The following MED28 variants were observed in gnomAD, a reference collection of about 807,000 sequenced individuals.
MED28 encodes the protein mediator complex subunit 28, also known as mediator of RNA polymerase II transcription subunit 28.
Under a neutral mutation model 21.3 loss-of-function variants are expected in MED28, and 26 were observed. That is an observed-to-expected ratio of 1.22 (90% CI 0.89 to 1.69). MED28 has a LOEUF of 1.69. MED28 is among the 40% of genes most tolerant of loss of function. MED28 has a pLI of 0.00. For missense variants in MED28, 257 were observed against 215.4 expected (o/e 1.19, Z -1.21); for synonymous variants, 110 against 87.6 (o/e 1.26, Z -1.43).
rs56931270 is a variant in MED28 at position 17,632,633 on chromosome 4, C to CAA, written c.*8841_*8842dup. 0.59 allele frequency: 899,951 copies of CAA among 1,523,234 alleles called. 272,321 individuals carry two copies. Among genetic ancestry groups the CAA allele is most frequent in the East Asian group, 0.9 (36,097 of 40,052 alleles). 94.4% of individuals were successfully genotyped at this position (1,523,234 alleles called of 1,614,324 possible). On this transcript the variant is annotated 3_prime_UTR_variant, in exon 4 of 4. Coordinates refer to ENST00000237380, the MANE Select transcript of MED28 (RefSeq NM_025205.5). ...GTTTCACCATCTGGGGTCCTAAAAG[C>CAA]AAAAAAAGGTTTTTTTATATGGTTT... is the stretch of plus-strand genomic sequence containing the variant.
At chr4:17,622,863 G>A (rs142469084) in intron 3 of MED28, among the ~76,000 whole-genome samples, 7,004 of 152,212 alleles carry the variant, frequency 0.046, 490 homozygotes, top group African/African-American at 0.16. Flanking sequence ...GCTTGTGCAA[G>A]GAAACTCCCA....
Position 17,619,926 on chromosome 4 carries a change from A to C in MED28, c.185A>C (p.Gln62Pro), listed in dbSNP as rs967714701. The C allele has an allele frequency of 1.9e-6, 3 of 1,614,180 alleles. No homozygotes were observed. The highest frequency in any genetic ancestry group is 1.7e-5 in the Admixed American group (1 of 60,030). The change falls in exon 2 of 4, where the codon CAG becomes CCG. Residue 62 changes from glutamine (Q) to proline (P), a missense_variant. Gln to Pro is a moderately conservative substitution (Grantham distance 76, BLOSUM62 -1). Coordinates refer to ENST00000237380, the MANE Select transcript of MED28 (RefSeq NM_025205.5). Reference protein sequence around the residue: ...FEACFASLVSQDYVNGTDQEE... With the variant: ...FEACFASLVSPDYVNGTDQEE... ...GCTTGCTTTGCATCTCTGGTGAGTC[A>C]GGACTATGTCAATGGCACCGATCAG... is the stretch of plus-strand genomic sequence containing the variant.
intron 1 of MED28, 40 bp from the exon 2 acceptor site, chr4:17,619,861 T>A: frequency 1.3e-6 from 2 of 1,577,048 alleles, no homozygotes; most frequent in Non-Finnish European, 1.7e-6. Flanking sequence ...TTTTGATGTA[T>A]AAATGATATT....
intron 2 of MED28, among the ~76,000 whole-genome samples, chr4:17,621,123 T>C (rs1311697841): frequency 2.0e-5 from 3 of 151,738 alleles, no homozygotes; most frequent in Admixed American, 1.3e-4. Flanking sequence ...CAAGCGATCC[T>C]TCTGCCTCAG....
chr4:17,627,719 C>A lies in MED28; in HGVS notation c.*3921C>A, dbSNP rs151284090. 0.015 allele frequency: 2,293 copies of A among 152,858 alleles called. 22 individuals are homozygous for A. The highest frequency in any genetic ancestry group is 0.023 in the Middle Eastern group (7 of 298). The allele number at this position is 152,858 out of a possible 1,614,324, so 9.5% of individuals were successfully genotyped here. On this transcript the variant is annotated 3_prime_UTR_variant, in exon 4 of 4. Transcript: ENST00000237380. ...CTCTAATGAGCAGTCTGAGGCCAGG[C>A]ACAGGAGGCTGAGGCAGGAGAATCG...
In MED28 at chr4:17,628,812, G is replaced by C. The variant is rs1026239906; in HGVS notation, c.*5014G>C. ...GAGGTATGGACACTCACTCACACGA[G>C]GGGGTGGCCCAGTTGCTGAGGATTC... On this transcript the variant is annotated 3_prime_UTR_variant, in exon 4 of 4. Coordinates refer to ENST00000237380, the MANE Select transcript of MED28 (RefSeq NM_025205.5). The C allele has an allele frequency of 6.6e-6, 1 of 152,296 alleles. No individual in the cohort carries two copies. Among genetic ancestry groups the C allele is most frequent in the African/African-American group, 2.4e-5 (1 of 41,428 alleles). 9.4% of individuals were successfully genotyped at this position (152,296 alleles called of 1,614,324 possible).
In MED28 at chr4:17,624,081, G is replaced by T; in HGVS notation, c.*283G>T. On this transcript the variant is annotated 3_prime_UTR_variant, in exon 4 of 4. Transcript: ENST00000237380. ...ATGACACAGATTCTTTTTTATGGTG[G>T]CTTTGCTTGTTTTAAATTTTTGCAT... is the stretch of plus-strand genomic sequence containing the variant. The T allele has an allele frequency of 2.6e-6, 1 of 390,662 alleles. No individual in the cohort carries two copies. The highest frequency in any genetic ancestry group is 3.6e-5 in the South Asian group (1 of 27,940). The allele number at this position is 390,662 out of a possible 1,614,324, so 24.2% of individuals were successfully genotyped here.
rs1211517131 is a variant in MED28 at position 17,628,673 on chromosome 4, C to T, written c.*4875C>T. The T allele has an allele frequency of 6.6e-6, 1 of 152,116 alleles. No homozygotes were observed. The highest frequency in any genetic ancestry group is 1.5e-5 in the Non-Finnish European group (1 of 68,056). 9.4% of individuals were successfully genotyped at this position (152,116 alleles called of 1,614,324 possible). A position where few individuals can be genotyped will look rare whatever the true frequency, so the allele number is the denominator to read the frequency against. ...GTCTCGGGGCATGCCTGGTGGAGGA[C>T]CTGACTGAGACAATTGTGACTGGAT... On this transcript the variant is annotated 3_prime_UTR_variant, in exon 4 of 4. Coordinates refer to ENST00000237380, the MANE Select transcript of MED28 (RefSeq NM_025205.5).
At chr4:17,619,787 A>G (rs1028792171) in intron 1 of MED28, 114 bp from the exon 2 acceptor site, 1 of 851,818 alleles carries the variant, frequency 1.2e-6, no homozygotes, top group Non-Finnish European at 1.9e-6. Context: ...TCATATGCAA[A>G]CACAGATGCT....
In MED28 at chr4:17,632,608, G is replaced by C; in HGVS notation, c.*8810G>C. ...CTGCTGGACTTCTTTGGCTTGGGCC[G>C]TTTCACCATCTGGGGTCCTAAAAGC... On this transcript the variant is annotated 3_prime_UTR_variant, in exon 4 of 4. Transcript: ENST00000237380. 1 of 1,550,176 alleles carries C rather than the reference G, an allele frequency of 6.5e-7. No homozygotes were observed. The highest frequency in any genetic ancestry group is 8.7e-7 in the Non-Finnish European group (1 of 1,146,346).
intron 3 of MED28, 63 bp downstream of exon 3, chr4:17,621,762 A>G (rs1714643689): frequency 9.4e-7 from 1 of 1,064,902 alleles, no homozygotes; most frequent in Non-Finnish European, 1.4e-6. Flanking sequence ...GATTCCTTTT[A>G]TGCTTTAAAT....
Position 17,621,569 on chromosome 4 carries a change from TG to T in MED28, c.227-17del. On this transcript the variant is annotated splice_polypyrimidine_tract_variant and intron_variant, in intron 2 of 3. Coordinates refer to ENST00000237380, the MANE Select transcript of MED28 (RefSeq NM_025205.5). ...GTTGTTTTTCTTATTTTAATAATTT[TG>T]TTCCTTTTTTTTTAAGGTGTTGATC... 6.8e-7 allele frequency: 1 copy of T among 1,477,546 alleles called. No individual in the cohort carries two copies. The highest frequency in any genetic ancestry group is 9.2e-7 in the Non-Finnish European group (1 of 1,090,060). 91.5% of individuals were successfully genotyped at this position (1,477,546 alleles called of 1,614,324 possible).
Position 17,633,533 on chromosome 4 carries a change from C to T in MED28, c.*9735C>T, listed in dbSNP as rs1200014447. The T allele has an allele frequency of 3.1e-5, 20 of 644,668 alleles. 1 individual carries two copies. In the South Asian group the frequency reaches 5.4e-4, roughly 17 times the overall value. 39.9% of individuals were successfully genotyped at this position (644,668 alleles called of 1,614,324 possible). The stretch of plus-strand genomic sequence containing the variant: ...GAGTCCACCTTTTGTATAACCCATG[C>T]TGAAGTTTTCAGGTAAGTGATTCAG... On this transcript the variant is annotated 3_prime_UTR_variant, in exon 4 of 4. Coordinates refer to ENST00000237380, the MANE Select transcript of MED28 (RefSeq NM_025205.5).
rs1274032474 is a variant in MED28 at position 17,629,729 on chromosome 4, G to A, written c.*5931G>A. The A allele has an allele frequency of 3.3e-5, 5 of 152,092 alleles. No individual in the cohort carries two copies. The highest frequency in any genetic ancestry group is 7.2e-5 in the African/African-American group (3 of 41,388). The allele number at this position is 152,092 out of a possible 1,614,324, so 9.4% of individuals were successfully genotyped here. A position where few individuals can be genotyped will look rare whatever the true frequency, so the allele number is the denominator to read the frequency against. On this transcript the variant is annotated 3_prime_UTR_variant, in exon 4 of 4. Coordinates refer to ENST00000237380, the MANE Select transcript of MED28 (RefSeq NM_025205.5). ...ACGCCATCACTGTCATCTCTAGACCGCTCTGCTGTTGAGAGATTGATGGAA... is the reference window on the plus strand; with the variant it reads ...ACGCCATCACTGTCATCTCTAGACCACTCTGCTGTTGAGAGATTGATGGAA...
In MED28 at chr4:17,632,335, A is replaced by T; in HGVS notation, c.*8537A>T. On this transcript the variant is annotated 3_prime_UTR_variant, in exon 4 of 4. Transcript: ENST00000237380. ...AGCAGTCCATCTGCCTCAGCCTCCC[A>T]AAGTGATGGGATTACAGGCGTGAGC... 2.5e-6 allele frequency: 1 copy of T among 400,104 alleles called. No homozygotes were observed. The highest frequency in any genetic ancestry group is 3.7e-5 in the Admixed American group (1 of 27,132). The allele number at this position is 400,104 out of a possible 1,614,324, so 24.8% of individuals were successfully genotyped here.
rs78275625 is a variant in MED28, at chr4:17,619,986, T to C, written c.226+19T>C. ...CGAACCGGTAAGCATTCCCTCTGTG[T>C]ACACAATGTTCTGGGCTTCAGCAGT... On this transcript the variant is annotated intron_variant, in intron 2 of 3. Transcript: ENST00000237380. The C allele has an allele frequency of 0.014, 23,042 of 1,608,856 alleles. 208 individuals are homozygous for C. Among genetic ancestry groups the C allele is most frequent in the African/African-American group, 0.018 (1,332 of 74,944 alleles).
chr4:17,632,576 C>T lies in MED28; in HGVS notation c.*8778C>T, dbSNP rs1198236979. 1.3e-6 allele frequency: 2 copies of T among 1,551,278 alleles called. No homozygotes were observed. Among genetic ancestry groups the T allele is most frequent in the Non-Finnish European group, 1.7e-6 (2 of 1,146,836 alleles). On this transcript the variant is annotated 3_prime_UTR_variant, in exon 4 of 4. Transcript: ENST00000237380. ...GTGAACCATTCCTGGTGCGGAGAGCCCTGTTTCTGCTGGACTTCTTTGGCT... is the reference window on the plus strand; with the variant it reads ...GTGAACCATTCCTGGTGCGGAGAGCTCTGTTTCTGCTGGACTTCTTTGGCT...
chr4:17,618,013 C>CTTTTTTTTT (rs529883796), intron 1 of MED28, among the ~76,000 whole-genome samples: 1 of 117,918 alleles, frequency 8.5e-6, no homozygotes, highest in Non-Finnish European at 1.7e-5. Flanking sequence ...CTTTTCTTTT[C>CTTTTTTTTT]TTTTTTTTTT....
Position 17,619,918 on chromosome 4 carries a change from G to C in MED28, c.177G>C (p.Leu59=), listed in dbSNP as rs1194513395. 1.2e-6 allele frequency: 2 copies of C among 1,613,914 alleles called. No homozygotes were observed. The highest frequency in any genetic ancestry group is 2.2e-5 in the East Asian group (1 of 44,888). The change falls in exon 2 of 4, where the codon CTG becomes CTC. Residue 59 remains leucine, a synonymous_variant. Coordinates refer to ENST00000237380, the MANE Select transcript of MED28 (RefSeq NM_025205.5). ...ESSFEACFAS[L]VSQDYVNGTD... is the part of the protein sequence containing the mutation. ...TTACACAGGCTTGCTTTGCATCTCT[G>C]GTGAGTCAGGACTATGTCAATGGCA...
Sources: allele counts gnomAD v4.1 joint callset (sites outside exome capture counted in the v4.1 genomes callset), GRCh38; gene constraint gnomAD v4.1.1; transcripts MANE v1.5; gene names NCBI Gene and HGNC (gene_info 2026-07-23, HGNC 2026-07-21).